The following NTSR1 variants were observed in gnomAD, a reference collection of about 807,000 sequenced individuals.
NTSR1 encodes the protein neurotensin receptor 1.
A neutral mutation model predicts 31.2 loss-of-function variants in NTSR1; 29 were observed. That is an observed-to-expected ratio of 0.93 (90% CI 0.69 to 1.27). The LOEUF (loss-of-function observed/expected upper bound fraction) is 1.27. Ranked by LOEUF, NTSR1 falls within the 50% of genes most tolerant of loss-of-function variation. The pLI, the probability that NTSR1 is intolerant of heterozygous loss-of-function variation, is 0.00. For missense variants in NTSR1, 697 were observed against 595.4 expected (o/e 1.17, Z -1.78); for synonymous variants, 282 against 269.9 (o/e 1.04, Z -0.44).
At position 62,760,350 on chromosome 20, in the gene NTSR1, C is replaced by T. The variant is rs545095728; in HGVS notation, c.*83C>T. ...AGACAGAGCAGCCCCCACCCGGGAG[C>T]CTTGATGGGGGTCAGGCAGAGGCCA... On this transcript the variant is annotated 3_prime_UTR_variant, in exon 4 of 4. Coordinates refer to ENST00000370501, the MANE Select transcript of NTSR1 (RefSeq NM_002531.3). The T allele has an allele frequency of 1.9e-5, 28 of 1,491,406 alleles. No homozygotes were observed. In the African/African-American group the frequency reaches 2.6e-4, roughly 14 times the overall value. The allele number at this position is 1,491,406 out of a possible 1,614,324, so 92.4% of individuals were successfully genotyped here.
At chr20:62,756,671 G>A (rs551613091) in intron 2 of NTSR1, 4 of 152,368 alleles carry the variant, frequency 2.6e-5, no homozygotes, top group Middle Eastern at 3.4e-3. Context: ...GCAGGGCAAC[G>A]CCCATCCTAT....
chr20:62,746,714 C>T (rs781507644), intron 1 of NTSR1, among the ~76,000 whole-genome samples: 21 of 152,128 alleles, frequency 1.4e-4, no homozygotes, highest in South Asian at 4.1e-4. Context: ...TAGAGTCAAT[C>T]GCGAGAAATG....
chr20:62,727,475 C>T (rs1282533960), intron 1 of NTSR1, among the ~76,000 whole-genome samples: 1 of 152,208 alleles, frequency 6.6e-6, no homozygotes, highest in Non-Finnish European at 1.5e-5. Context: ...GCTGGACTGC[C>T]GGCGGGTCTG....
Position 62,709,845 on chromosome 20 carries a change from G to GCGCCGACGGCCAGCA in NTSR1, c.644_658dup (p.Asp215_Ala219dup), listed in dbSNP as rs1988570047. On this transcript the variant is annotated inframe_insertion, in exon 1 of 4. Coordinates refer to ENST00000370501, the MANE Select transcript of NTSR1 (RefSeq NM_002531.3). The stretch of plus-strand genomic sequence containing the variant: ...TTCACCATGGGCGAGCAGAACCGCA[G>GCGCCGACGGCCAGCA]CGCCGACGGCCAGCACGCCGGCGGC... The GCGCCGACGGCCAGCA allele has an allele frequency of 6.2e-7, 1 of 1,609,680 alleles. No homozygotes were observed. The highest frequency in any genetic ancestry group is 1.1e-5 in the South Asian group (1 of 90,990).
intron 1 of NTSR1, among the ~76,000 whole-genome samples, chr20:62,716,345 G>A (rs1427283895): frequency 6.6e-6 from 1 of 152,134 alleles, no homozygotes; most frequent in Non-Finnish European, 1.5e-5. Flanking sequence ...AGACTCCAAG[G>A]CCCTGGGTGA....
In NTSR1 at chr20:62,712,667, G is replaced by A. The variant is rs971070528; in HGVS notation, c.714+2746G>A. On this transcript the variant is annotated intron_variant, in intron 1 of 3. Transcript: ENST00000370501. Reference sequence around the variant, plus strand: ...CTGGTGCCAGCAGGGTGACTGGGAGGAGGAGCTGGGGGCTCAGGGACCTAC... The same window carrying A: ...CTGGTGCCAGCAGGGTGACTGGGAGAAGGAGCTGGGGGCTCAGGGACCTAC... 3.3e-5 allele frequency among the ~76,000 whole-genome samples: 5 copies of A among 152,322 alleles called. No homozygotes were observed. In the East Asian group the frequency reaches 9.7e-4, roughly 29 times the overall value.
rs1483471764 is a variant in NTSR1 at position 62,745,092 on chromosome 20, G to T, written c.715-9593G>T. On this transcript the variant is annotated intron_variant, in intron 1 of 3. Transcript: ENST00000370501. The surrounding 1 kb of genome is among the most constrained non-coding windows in gnomAD (Gnocchi z 4.1). ...TAAAACCTCAGACCCAGCCACTGAG[G>T]CCCATGGCCCAGAGCCCAGCTACCC... is the stretch of plus-strand genomic sequence containing the variant. 2.0e-5 allele frequency among the ~76,000 whole-genome samples: 3 copies of T among 152,160 alleles called. No homozygotes were observed. Among genetic ancestry groups the T allele is most frequent in the Non-Finnish European group, 4.4e-5 (3 of 68,030 alleles).
Position 62,744,691 on chromosome 20 carries a change from C to T in NTSR1, c.715-9994C>T, listed in dbSNP as rs998746518. Among the ~76,000 whole-genome samples the T allele has an allele frequency of 6.6e-6, 1 of 152,086 alleles. No individual in the cohort carries two copies. The highest frequency in any genetic ancestry group is 2.4e-5 in the African/African-American group (1 of 41,368). Reference sequence around the variant, plus strand: ...GTGATAAGCAGAAATCGCGCCACTGCACTCCAGCCTGGGCAACAAGAGCAA... The same window carrying T: ...GTGATAAGCAGAAATCGCGCCACTGTACTCCAGCCTGGGCAACAAGAGCAA... On this transcript the variant is annotated intron_variant, in intron 1 of 3. Coordinates refer to ENST00000370501, the MANE Select transcript of NTSR1 (RefSeq NM_002531.3). The surrounding 1 kb of genome is among the most constrained non-coding windows in gnomAD (Gnocchi z 4.1).
In NTSR1 at chr20:62,709,849, C is replaced by G. The variant is rs536848685; in HGVS notation, c.642C>G (p.Ala214=). The G allele has an allele frequency of 6.2e-7, 1 of 1,608,810 alleles. No individual in the cohort carries two copies. The highest frequency in any genetic ancestry group is 8.5e-7 in the Non-Finnish European group (1 of 1,176,920). ...LFTMGEQNRS[A]DGQHAGGLVC... is the part of the protein sequence containing the mutation. ...CCATGGGCGAGCAGAACCGCAGCGCCGACGGCCAGCACGCCGGCGGCCTGG... is the reference window on the plus strand; with the variant it reads ...CCATGGGCGAGCAGAACCGCAGCGCGGACGGCCAGCACGCCGGCGGCCTGG... The change falls in exon 1 of 4, where the codon GCC becomes GCG. Residue 214 remains alanine (A), a synonymous_variant. Coordinates refer to ENST00000370501, the MANE Select transcript of NTSR1 (RefSeq NM_002531.3).
chr20:62,709,326 G>A lies in NTSR1; in HGVS notation c.119G>A (p.Gly40Asp). Residue 40 changes from glycine to aspartate, a missense_variant, in exon 1 of 4, where the codon GGC becomes GAC. By Grantham distance (94) the Gly-to-Asp change is moderately conservative (BLOSUM62 -1). Coordinates refer to ENST00000370501, the MANE Select transcript of NTSR1 (RefSeq NM_002531.3). ...GCCCCGGGCTTCGGCAACGCTTCGG[G>A]CAACGCGTCGGAGCGCGTCCTGGCG... Reference protein sequence around the residue: ...LLAPGFGNASGNASERVLAAP... With the variant: ...LLAPGFGNASDNASERVLAAP... The A allele has an allele frequency of 1.9e-6, 3 of 1,608,048 alleles. No individual in the cohort carries two copies. Among genetic ancestry groups the A allele is most frequent in the Non-Finnish European group, 1.7e-6 (2 of 1,178,220 alleles).
intron 1 of NTSR1, among the ~76,000 whole-genome samples, chr20:62,747,765 CA>C (rs1055201806): frequency 6.9e-6 from 1 of 143,998 alleles, no homozygotes; most frequent in Non-Finnish European, 1.5e-5. Flanking sequence ...AAAACAAAAA[CA>C]AAAACAAAAA....
In NTSR1 at chr20:62,754,284, G is replaced by A. The variant is rs528241487; in HGVS notation, c.715-401G>A. On this transcript the variant is annotated intron_variant, in intron 1 of 3. Transcript: ENST00000370501. ...TCCCACAGGACGGGCCTTGGGGTGG[G>A]GCAGCCACGTGCTTGTGGGCCTCAG... Among the ~76,000 whole-genome samples, 3 of 152,330 alleles carry A rather than the reference G, an allele frequency of 2.0e-5. No individual in the cohort carries two copies. The South Asian group carries it at 6.2e-4, about 32-fold the overall frequency.
In NTSR1 at chr20:62,709,104, C is replaced by G. The variant is rs1407765487; in HGVS notation, c.-104C>G. On this transcript the variant is annotated 5_prime_UTR_variant, in exon 1 of 4. Coordinates refer to ENST00000370501, the MANE Select transcript of NTSR1 (RefSeq NM_002531.3). ...CCCGCTGGTCTTCGCCACGCGCCCT[C>G]CCCTGGGCTCCCGTTCATCGGTCCC... 8 of 971,454 alleles carry G rather than the reference C, an allele frequency of 8.2e-6. No homozygotes were observed. Among genetic ancestry groups the G allele is most frequent in the Non-Finnish European group, 1.1e-5 (8 of 715,858 alleles). 60.2% of individuals were successfully genotyped at this position (971,454 alleles called of 1,614,324 possible).
intron 1 of NTSR1, among the ~76,000 whole-genome samples, chr20:62,739,450 C>T (rs1989163726): frequency 6.6e-6 from 1 of 151,770 alleles, no homozygotes; most frequent in African/African-American, 2.4e-5. Flanking sequence ...AGCCTGGGGC[C>T]CCCTGAGCCC....
intron 3 of NTSR1, 22 bp from the exon 4 acceptor site, chr20:62,759,996 G>C (rs1989585779): frequency 1.2e-6 from 2 of 1,610,860 alleles, no homozygotes; most frequent in South Asian, 2.2e-5. Flanking sequence ...TCTGGGATCT[G>C]AGCGCCTCTC....
chr20:62,751,754 G>A (rs1989397584), intron 1 of NTSR1, among the ~76,000 whole-genome samples: 1 of 152,252 alleles, frequency 6.6e-6, no homozygotes, highest in Non-Finnish European at 1.5e-5. Flanking sequence ...GTGGGATGGA[G>A]GGTGCACGGC....
At position 62,745,645 on chromosome 20, in the gene NTSR1, C is replaced by A. The variant is rs556506934; in HGVS notation, c.715-9040C>A. Among the ~76,000 whole-genome samples, 6 of 152,322 alleles carry A rather than the reference C, an allele frequency of 3.9e-5. No individual in the cohort carries two copies. The highest frequency in any genetic ancestry group is 1.4e-4 in the African/African-American group (6 of 41,562). On this transcript the variant is annotated intron_variant, in intron 1 of 3. Transcript: ENST00000370501. The surrounding 1 kb of genome is among the most constrained non-coding windows in gnomAD (Gnocchi z 4.1). ...CACAGAGAAAAACACAGAGACATCA[C>A]AGGAGAAAGATACAAAGACAGACAG... is the stretch of plus-strand genomic sequence containing the variant.
At position 62,709,191 on chromosome 20, in the gene NTSR1, G is replaced by A. The variant is rs1340717969; in HGVS notation, c.-17G>A. ...CCCCGGAGGCGCCGGACAGAGCCGCGGACTCCAGCGCCCACCATGCGCCTC... is the reference window on the plus strand; with the variant it reads ...CCCCGGAGGCGCCGGACAGAGCCGCAGACTCCAGCGCCCACCATGCGCCTC... On this transcript the variant is annotated 5_prime_UTR_variant, in exon 1 of 4. Coordinates refer to ENST00000370501, the MANE Select transcript of NTSR1 (RefSeq NM_002531.3). 2.8e-6 allele frequency: 4 copies of A among 1,404,760 alleles called. No homozygotes were observed. In the Admixed American group the frequency reaches 9.6e-5, roughly 34 times the overall value. The allele number at this position is 1,404,760 out of a possible 1,614,324, so 87.0% of individuals were successfully genotyped here.
At chr20:62,728,721 C>T (rs1008572492) in intron 1 of NTSR1, among the ~76,000 whole-genome samples, 1 of 152,104 alleles carries the variant, frequency 6.6e-6, no homozygotes, top group African/African-American at 2.4e-5. Context: ...AGGCCAACAC[C>T]CGGAGGCCAA....
Sources: gnomAD v4.1 joint callset for allele counts (sites outside exome capture counted in the v4.1 genomes callset) on GRCh38, gnomAD v4.1.1 for gene constraint, Gnocchi (gnomAD v3.1) non-coding constraint, MANE v1.5 for transcripts, NCBI Gene and HGNC (gene_info 2026-07-23, HGNC 2026-07-21) for gene names.